CCDC12: variants seen among roughly 807,000 people sequenced by gnomAD.
The protein encoded by CCDC12 is coiled-coil domain containing 12.
In CCDC12, 28 loss-of-function variants were observed where a neutral mutation model predicts 25.7. The ratio of observed to expected loss-of-function variants is 1.09; its 90% confidence interval spans 0.81 to 1.50. The LOEUF (loss-of-function observed/expected upper bound fraction) is 1.50, where lower values mean the gene tolerates loss of function less well. CCDC12 is among the 40% of genes most tolerant of loss of function. CCDC12 has a pLI of 0.00. For missense variants in CCDC12, 198 were observed against 210.0 expected (o/e 0.94, Z 0.35); for synonymous variants, 75 against 87.7 (o/e 0.86, Z 0.81).
At chr3:46,946,164 AC>A (rs2033897982) in intron 1 of CCDC12, among the ~76,000 whole-genome samples, 1 of 152,144 alleles carries the variant, frequency 6.6e-6, no homozygotes, top group Admixed American at 6.5e-5. Flanking sequence ...GCCCCTTCCC[AC>A]CCACAGTAAG....
chr3:46,967,229 C>T (rs761070184), intron 1 of CCDC12, among the ~76,000 whole-genome samples: 1 of 152,114 alleles, frequency 6.6e-6, no homozygotes, highest in South Asian at 2.1e-4. Flanking sequence ...CCTGTCTGTG[C>T]GCACTGCCTC....
chr3:46,956,107 G>A (rs969121991), intron 1 of CCDC12, among the ~76,000 whole-genome samples: 3 of 152,204 alleles, frequency 2.0e-5, no homozygotes, highest in African/African-American at 7.2e-5. Context: ...TAAGGCTTAG[G>A]TCTGCTTTCT....
intron 1 of CCDC12, among the ~76,000 whole-genome samples, chr3:46,959,497 G>C (rs2107177047): frequency 6.6e-6 from 1 of 152,276 alleles, no homozygotes; most frequent in East Asian, 1.9e-4. Context: ...TCGGGGTGAG[G>C]CCCTCTCATC....
intron 1 of CCDC12, chr3:46,976,327 A>C (rs1305971273): frequency 7.8e-7 from 1 of 1,279,412 alleles, no homozygotes; most frequent in Non-Finnish European, 9.9e-7. Flanking sequence ...AAGCATCTGA[A>C]CCTACAGGCA....
chr3:46,936,797 A>G (rs1206362761), intron 2 of CCDC12, among the ~76,000 whole-genome samples: 1 of 152,214 alleles, frequency 6.6e-6, no homozygotes, highest in Non-Finnish European at 1.5e-5. Context: ...GGGGACACTG[A>G]GTGACCTGGA....
Position 46,940,984 on chromosome 3 carries a change from C to T in CCDC12, c.164+14G>A. On this transcript the variant is annotated intron_variant, in intron 2 of 6. Transcript: ENST00000683445. ...GAGGAGAGAGCAGACCCTGGAGCTG[C>T]ACACGGGCATTACCTGTGCTTCTCG... is the stretch of plus-strand genomic sequence containing the variant. The T allele has an allele frequency of 6.2e-7, 1 of 1,613,822 alleles. No homozygotes were observed. The highest frequency in any genetic ancestry group is 8.5e-7 in the Non-Finnish European group (1 of 1,179,682).
intron 2 of CCDC12, among the ~76,000 whole-genome samples, chr3:46,934,668 C>T (rs1439698339): frequency 6.6e-6 from 1 of 152,192 alleles, no homozygotes; most frequent in Non-Finnish European, 1.5e-5. Context: ...TCGGCTTCAC[C>T]ATCTTCCTTA....
chr3:46,951,518 G>A (rs7627241), intron 1 of CCDC12, among the ~76,000 whole-genome samples: 142,554 of 150,914 alleles, frequency 0.94, 67,896 homozygotes, highest in East Asian at 1. Flanking sequence ...CGGTGGCTCA[G>A]GCCTGTAATC....
rs114176699 is a variant in CCDC12, at chr3:46,936,356, T to C, written c.164+4642A>G. On this transcript the variant is annotated intron_variant, in intron 2 of 6. Transcript: ENST00000683445. ...AGCTGGCACATGCTTTATGTAAAAG[T>C]TACTTCTGCCTTTTCGAGGTGTGTC... Among the ~76,000 whole-genome samples, 974 of 152,340 alleles carry C rather than the reference T, an allele frequency of 6.4e-3. 10 individuals are homozygous for C. The highest frequency in any genetic ancestry group is 0.022 in the African/African-American group (917 of 41,570).
intron 1 of CCDC12, among the ~76,000 whole-genome samples, chr3:46,948,118 A>G (rs2033975432): frequency 6.6e-6 from 1 of 152,222 alleles, no homozygotes; most frequent in Non-Finnish European, 1.5e-5. Flanking sequence ...CTGTAAGCAG[A>G]CAGGGCAGTG....
intron 1 of CCDC12, among the ~76,000 whole-genome samples, chr3:46,957,880 T>C (rs905191324): frequency 2.0e-5 from 3 of 150,554 alleles, no homozygotes; most frequent in South Asian, 4.3e-4. Context: ...GTGGAGGAGG[T>C]TGCAGTGAGC....
chr3:46,926,269 C>A (rs935712645), intron 2 of CCDC12, among the ~76,000 whole-genome samples: 25 of 152,140 alleles, frequency 1.6e-4, no homozygotes, highest in Non-Finnish European at 4.4e-5. Context: ...GGTCAAGGCA[C>A]AAAGCACACG....
intron 1 of CCDC12, among the ~76,000 whole-genome samples, chr3:46,961,507 C>T (rs2034464650): frequency 6.6e-6 from 1 of 152,154 alleles, no homozygotes; most frequent in Non-Finnish European, 1.5e-5. Flanking sequence ...GGGCCTGGCT[C>T]AGCAGGTCCT....
At chr3:46,974,068 C>T (rs1446140815) in intron 1 of CCDC12, among the ~76,000 whole-genome samples, 9 of 152,148 alleles carry the variant, frequency 5.9e-5, no homozygotes, top group Non-Finnish European at 1.3e-4. Context: ...AGTGTGAAGA[C>T]ATGCTAAGTA....
intron 1 of CCDC12, among the ~76,000 whole-genome samples, chr3:46,944,426 A>G (rs1559555844): frequency 6.6e-6 from 1 of 152,064 alleles, no homozygotes; most frequent in South Asian, 2.1e-4. Context: ...CCCAAGTCCA[A>G]GCCTAGGCCC....
chr3:46,939,874 G>C (rs1184368777), intron 2 of CCDC12, among the ~76,000 whole-genome samples: 1 of 152,152 alleles, frequency 6.6e-6, no homozygotes, highest in Non-Finnish European at 1.5e-5. Flanking sequence ...AAAAGGCTGT[G>C]GCATTAGGAA....
intron 6 of CCDC12, 35 bp downstream of exon 6, chr3:46,922,201 G>A (rs76776979): frequency 8.1e-6 from 13 of 1,613,986 alleles, no homozygotes; most frequent in African/African-American, 4.0e-5. Flanking sequence ...ACCACCCAGT[G>A]GGCAGGACCC....
intron 1 of CCDC12, among the ~76,000 whole-genome samples, chr3:46,956,867 G>A (rs558547328): frequency 1.4e-4 from 21 of 151,344 alleles, no homozygotes; most frequent in East Asian, 9.7e-4. Flanking sequence ...GTAAATATCC[G>A]GAGGGCCACA....
chr3:46,963,583 G>A (rs1180576625), intron 1 of CCDC12, among the ~76,000 whole-genome samples: 7 of 152,168 alleles, frequency 4.6e-5, no homozygotes, highest in Admixed American at 4.6e-4. Context: ...AGCCTGCCGA[G>A]TGCCTGCGAT....
Sources: gnomAD v4.1 joint callset for allele counts (sites outside exome capture counted in the v4.1 genomes callset) on GRCh38, gnomAD v4.1.1 for gene constraint, MANE v1.5 for transcripts, NCBI Gene and HGNC (gene_info 2026-07-23, HGNC 2026-07-21) for gene names.